MAPKBP1: variants seen among roughly 807,000 people sequenced by gnomAD.
The protein encoded by MAPKBP1 is mitogen-activated protein kinase binding protein 1.
A neutral mutation model predicts 170.5 loss-of-function variants in MAPKBP1; 71 were observed. The observed-to-expected ratio is 0.42, with a 90% CI of 0.34 to 0.51. The LOEUF is 0.51. Ranked by LOEUF, MAPKBP1 falls within the 20% of genes least tolerant of loss-of-function variation. MAPKBP1 has a pLI of 0.06. For synonymous variants in MAPKBP1, 719 were observed against 757.9 expected, an observed-to-expected ratio of 0.95 and a Z score of 0.84; for missense variants, 1,598 against 1,933.0, an observed-to-expected ratio of 0.83 and a Z score of 3.25.
chr15:41,819,086 A>G (rs1362355478), intron 20 of MAPKBP1, 129 bp downstream of exon 20: 5 of 1,478,436 alleles, frequency 3.4e-6, no homozygotes, highest in South Asian at 1.3e-5. Context: ...CTCTCACACA[A>G]GGATCCATGA....
chr15:41,819,554 G>GGGGGGGGGGGGGGA, intron 21 of MAPKBP1, 41 bp from the exon 22 acceptor site: 1 of 1,495,298 alleles, frequency 6.7e-7, no homozygotes. Flanking sequence ...TGGCGGGGGG[G>GGGGGGGGGGGGGGA]GGGCAGGAGA....
Position 41,813,324 on chromosome 15 carries a change from G to T in MAPKBP1, c.819+223G>T, listed in dbSNP as rs367900976. 17 of 1,528,240 alleles carry T rather than the reference G, an allele frequency of 1.1e-5. No homozygotes were observed. Among genetic ancestry groups the T allele is most frequent in the Non-Finnish European group, 1.5e-5 (17 of 1,102,178 alleles). 94.7% of individuals were successfully genotyped at this position (1,528,240 alleles called of 1,614,324 possible). A position where few individuals can be genotyped will look rare whatever the true frequency, so the allele number is the denominator to read the frequency against. The stretch of plus-strand genomic sequence containing the variant: ...TCTCTTTCCCCTGCTTTCCTCTTCC[G>T]CTCAGAACATAGACAGCTTCACAGT... On this transcript the variant is annotated intron_variant, in intron 8 of 30. Coordinates refer to ENST00000457542, the MANE Select transcript of MAPKBP1 (RefSeq NM_014994.3).
intron 12 of MAPKBP1, 58 bp from the exon 13 acceptor site, chr15:41,816,501 C>T (rs1260695581): frequency 1.2e-5 from 14 of 1,174,018 alleles, no homozygotes; most frequent in East Asian, 2.3e-5. Flanking sequence ...GAGGAGGGGG[C>T]GTGAGTCCTT....
intron 6 of MAPKBP1, 131 bp from the exon 7 acceptor site, chr15:41,812,385 T>C: frequency 1.5e-6 from 2 of 1,349,778 alleles, no homozygotes; most frequent in Non-Finnish European, 2.1e-6. Flanking sequence ...TACCCCTCTT[T>C]TTCTGGCCAG....
Position 41,824,029 on chromosome 15 carries a change from C to T in MAPKBP1, c.4181C>T (p.Thr1394Ile). The T allele has an allele frequency of 6.2e-7, 1 of 1,609,004 alleles. No individual in the cohort carries two copies. The highest frequency in any genetic ancestry group is 8.5e-7 in the Non-Finnish European group (1 of 1,179,686). ...PEKTPNPMEC[T>I]KPGAALSQDS... Reference sequence around the variant, plus strand: ...AAGACTCCCAACCCCATGGAATGCACCAAGCCAGGGGCAGCCCTGAGCCAG... The same window carrying T: ...AAGACTCCCAACCCCATGGAATGCATCAAGCCAGGGGCAGCCCTGAGCCAG... Residue 1394 changes from threonine to isoleucine, a missense_variant, in exon 29 of 31, where the codon ACC (threonine) becomes ATC (isoleucine). By Grantham distance (89) the Thr-to-Ile change is moderately conservative (BLOSUM62 -1). Around this residue, in one of 6 missense-constraint regions of MAPKBP1, gnomAD observed 942 missense variants for 953.2 expected, o/e 0.99. Coordinates refer to ENST00000457542, the MANE Select transcript of MAPKBP1 (RefSeq NM_014994.3).
rs895725356 is a variant in MAPKBP1 at position 41,775,147 on chromosome 15, G to C, written c.-109-20G>C. 7.4e-6 allele frequency: 5 copies of C among 672,860 alleles called. No individual in the cohort carries two copies. The highest frequency in any genetic ancestry group is 1.3e-5 in the Non-Finnish European group (5 of 377,478). The allele number at this position is 672,860 out of a possible 1,614,324, so 41.7% of individuals were successfully genotyped here. A position where few individuals can be genotyped will look rare whatever the true frequency, so the allele number is the denominator to read the frequency against. On this transcript the variant is annotated intron_variant, in intron 1 of 30. Transcript: ENST00000457542. ...AGAAGGTAAGACACTGTGATACTAAGGTGGCTTCTGCCATCTCAGGTCAGT... is the reference window on the plus strand; with the variant it reads ...AGAAGGTAAGACACTGTGATACTAACGTGGCTTCTGCCATCTCAGGTCAGT...
chr15:41,783,516 C>T (rs1332560613), intron 2 of MAPKBP1, among the ~76,000 whole-genome samples: 1 of 152,170 alleles, frequency 6.6e-6, no homozygotes. Flanking sequence ...CCTTGTCTTG[C>T]CTAATCTCGA....
rs760122928 is a variant in MAPKBP1, at chr15:41,821,730, C to CAACCCCACCATGGAT, written c.2867_2881dup (p.Asn956_Asp960dup). Reference sequence around the variant, plus strand: ...GTATTGTCTACCCGGAGCCGAGTGACAACCCCACCATGGATACCAGGCAAG... The same window carrying CAACCCCACCATGGAT: ...GTATTGTCTACCCGGAGCCGAGTGACAACCCCACCATGGATAACCCCACCATGGATACCAGGCAAG... On this transcript the variant is annotated inframe_insertion, in exon 24 of 31. Transcript: ENST00000457542. 22 of 1,613,952 alleles carry CAACCCCACCATGGAT rather than the reference C, an allele frequency of 1.4e-5. No homozygotes were observed. The highest frequency in any genetic ancestry group is 2.5e-6 in the Non-Finnish European group (3 of 1,180,028).
chr15:41,786,777 A>AAAAAAAAAAAAATATATATATATATATAT, intron 2 of MAPKBP1, among the ~76,000 whole-genome samples: 1 of 32,448 alleles, frequency 3.1e-5, no homozygotes, highest in Non-Finnish European at 5.6e-5. Context: ...AAAAAAAAAA[A>AAAAAAAAAAAAATATATATATATATATAT]ATATATATAT....
chr15:41,794,581 A>G (rs1421563501), intron 2 of MAPKBP1, among the ~76,000 whole-genome samples: 1 of 152,118 alleles, frequency 6.6e-6, no homozygotes, highest in Non-Finnish European at 1.5e-5. Context: ...AACCAGTTTT[A>G]GATACTTTGT....
intron 2 of MAPKBP1, among the ~76,000 whole-genome samples, chr15:41,776,573 A>G (rs1253203916): frequency 6.6e-6 from 1 of 152,224 alleles, no homozygotes; most frequent in Non-Finnish European, 1.5e-5. Flanking sequence ...GCAGGCAAAG[A>G]AGCCTGAAAT....
Position 41,813,682 on chromosome 15 carries a change from G to A in MAPKBP1, c.881G>A (p.Gly294Asp), listed in dbSNP as rs2064842534. The change falls in exon 9 of 31, where the codon GGC becomes GAC. Residue 294 changes from glycine to aspartate, a missense_variant. Physicochemically the swap from Gly to Asp is moderately conservative, Grantham distance 94. Coordinates refer to ENST00000457542, the MANE Select transcript of MAPKBP1 (RefSeq NM_014994.3). The part of the protein sequence containing the change: ...QDYIFCGCAD[G>D]TVRLFNPSNL... ...TACATCTTCTGTGGCTGTGCTGATGGCACCGTGCGCCTTTTCAACCCCTCT... is the reference window on the plus strand; with the variant it reads ...TACATCTTCTGTGGCTGTGCTGATGACACCGTGCGCCTTTTCAACCCCTCT... 6.2e-7 allele frequency: 1 copy of A among 1,613,938 alleles called. No homozygotes were observed. Among genetic ancestry groups the A allele is most frequent in the African/African-American group, 1.3e-5 (1 of 74,914 alleles).
intron 3 of MAPKBP1, among the ~76,000 whole-genome samples, chr15:41,804,683 C>T (rs2064659135): frequency 6.6e-6 from 1 of 152,228 alleles, no homozygotes; most frequent in African/African-American, 2.4e-5. Context: ...CAGCCCAGTG[C>T]ATGTGCCTGG....
rs754926509 is a variant in MAPKBP1, at chr15:41,821,717, C to T, written c.2852C>T (p.Pro951Leu). Residue 951 changes from proline (P) to leucine (L), a missense_variant, in exon 24 of 31, where the codon CCG becomes CTG. Physicochemically the swap from Pro to Leu is moderately conservative, Grantham distance 98 (BLOSUM62 -3). This residue lies in a region of MAPKBP1 where 942 missense variants were observed against 953.2 expected (regional missense o/e 0.99). Coordinates refer to ENST00000457542, the MANE Select transcript of MAPKBP1 (RefSeq NM_014994.3). Reference protein sequence around the residue: ...PAPIEDGIVYPEPSDNPTMDT... With the variant: ...PAPIEDGIVYLEPSDNPTMDT... The stretch of plus-strand genomic sequence containing the variant: ...CCCATTGAAGATGGTATTGTCTACC[C>T]GGAGCCGAGTGACAACCCCACCATG... 4.8e-5 allele frequency: 78 copies of T among 1,614,100 alleles called. No individual in the cohort carries two copies. Among genetic ancestry groups the T allele is most frequent in the Admixed American group, 1.0e-4 (6 of 60,016 alleles).
intron 3 of MAPKBP1, among the ~76,000 whole-genome samples, chr15:41,802,419 T>C (rs2064611979): frequency 6.6e-6 from 1 of 152,238 alleles, no homozygotes; most frequent in Non-Finnish European, 1.5e-5. Flanking sequence ...TTCTTGACTC[T>C]TGTAGTAACA....
chr15:41,801,190 A>T (rs1020232473), intron 3 of MAPKBP1, among the ~76,000 whole-genome samples: 1 of 152,220 alleles, frequency 6.6e-6, no homozygotes, highest in Non-Finnish European at 1.5e-5. Flanking sequence ...AGCTATTATG[A>T]ATATTCGCCT....
chr15:41,824,374 TG>T, intron 29 of MAPKBP1, 109 bp from the exon 30 acceptor site: 5 of 1,005,238 alleles, frequency 5.0e-6, no homozygotes, highest in Non-Finnish European at 7.3e-6. Flanking sequence ...TGAGGGCAAG[TG>T]GGGGGTGCAA....
intron 2 of MAPKBP1, among the ~76,000 whole-genome samples, chr15:41,777,859 C>T (rs2064123832): frequency 6.6e-6 from 1 of 152,218 alleles, no homozygotes; most frequent in Non-Finnish European, 1.5e-5. Flanking sequence ...GTACATGCCC[C>T]TTTTGGGGGG....
In MAPKBP1 at chr15:41,813,041, C is replaced by T. The variant is rs1422216744; in HGVS notation, c.759C>T (p.Ser253=). ...CGGACAGTACCTTCTGCATCACGTC[C>T]TCAGGGCTGCTGTGCGAGTTCAGTG... is the stretch of plus-strand genomic sequence containing the variant. ...KKADSTFCIT[S]SGLLCEFSDR... Residue 253 remains serine, a synonymous_variant, in exon 8 of 31, where the codon TCC becomes TCT. Coordinates refer to ENST00000457542, the MANE Select transcript of MAPKBP1 (RefSeq NM_014994.3). The T allele has an allele frequency of 6.2e-7, 1 of 1,613,816 alleles. No homozygotes were observed. Among genetic ancestry groups the T allele is most frequent in the Admixed American group, 1.7e-5 (1 of 59,960 alleles).
Sources: allele counts gnomAD v4.1 joint callset (sites outside exome capture counted in the v4.1 genomes callset), GRCh38; gene constraint gnomAD v4.1.1; regional missense constraint gnomAD v4.1.1; transcripts MANE v1.5; gene names NCBI Gene and HGNC (gene_info 2026-07-23, HGNC 2026-07-21).